AFF3: variants seen among roughly 807,000 people sequenced by gnomAD.
AFF3 encodes ALF transcription elongation factor 3, also known as AF4/FMR2 family member 3.
A neutral mutation model predicts 129.7 loss-of-function variants in AFF3; 32 were observed. That is an observed-to-expected ratio of 0.25 (90% CI 0.19 to 0.33). The LOEUF (loss-of-function observed/expected upper bound fraction) is 0.33, where lower values mean the gene tolerates loss of function less well. AFF3 is among the 10% of genes least tolerant of loss of function. The pLI, the probability that AFF3 is intolerant of heterozygous loss-of-function variation, is 1.00. For missense variants in AFF3, 1,373 were observed against 1,592.0 expected (o/e 0.86, Z 2.34); for synonymous variants, 644 against 635.4 (o/e 1.01, Z -0.20).
At chr2:100,072,036 G>T (rs879416222) in intron 4 of AFF3, among the ~76,000 whole-genome samples, 25 of 152,268 alleles carry the variant, frequency 1.6e-4, no homozygotes, top group Middle Eastern at 3.4e-3. Flanking sequence ...GAGATGTGGT[G>T]GCTGGTAAAA....
intron 2 of AFF3, among the ~76,000 whole-genome samples, chr2:100,115,956 G>C (rs1461708735): frequency 6.6e-6 from 1 of 151,974 alleles, no homozygotes; most frequent in Admixed American, 6.6e-5. Context: ...CTCTATAATT[G>C]AAGGTTTTTA....
chr2:99,837,517 C>G lies in AFF3; in HGVS notation c.881G>C (p.Arg294Thr), dbSNP rs1234322110. 1 of 1,613,612 alleles carries G rather than the reference C, an allele frequency of 6.2e-7. No individual in the cohort carries two copies. Among genetic ancestry groups the G allele is most frequent in the East Asian group, 2.2e-5 (1 of 44,876 alleles). Reference protein sequence around the residue: ...FSIPKQGEESRSGETNSCVEE... With the variant: ...FSIPKQGEESTSGETNSCVEE... The stretch of plus-strand genomic sequence containing the variant: ...AACACAGCTGTTGGTTTCTCCAGAT[C>G]TACTCTCCTGAAAGCAAAGAAAAAA... Residue 294 changes from arginine to threonine, a missense_variant, in exon 8 of 25, where the codon AGA becomes ACA. Around this residue, in one of 9 missense-constraint regions of AFF3, gnomAD observed 413 missense variants for 424.4 expected, o/e 0.97. Transcript: ENST00000672756.
chr2:99,557,606 T>TA (rs1471211368), intron 22 of AFF3, among the ~76,000 whole-genome samples: 1 of 152,216 alleles, frequency 6.6e-6, no homozygotes, highest in Non-Finnish European at 1.5e-5. Flanking sequence ...TAGTAGATCT[T>TA]ACGTTCTGGA....
intron 7 of AFF3, among the ~76,000 whole-genome samples, chr2:99,986,131 G>A (rs996732205): frequency 6.6e-6 from 1 of 151,116 alleles, no homozygotes; most frequent in Non-Finnish European, 1.5e-5. Flanking sequence ...AACCCAGGAG[G>A]CGGAGCTTGC....
At position 99,617,364 on chromosome 2, in the gene AFF3, G is replaced by T. The variant is rs1158698376; in HGVS notation, c.1185-15743C>A. 3.3e-5 allele frequency among the ~76,000 whole-genome samples: 5 copies of T among 152,176 alleles called. 1 individual carries two copies. The highest frequency in any genetic ancestry group is 7.4e-5 in the Non-Finnish European group (5 of 68,022). On this transcript the variant is annotated intron_variant, in intron 13 of 24. Coordinates refer to ENST00000672756, the MANE Select transcript of AFF3 (RefSeq NM_001386135.1). ...CTGCCCATCATAGTGGGCGTGAAGTGGTGTCTCACTGTGGTTTTGATTTGG... is the reference window on the plus strand; with the variant it reads ...CTGCCCATCATAGTGGGCGTGAAGTTGTGTCTCACTGTGGTTTTGATTTGG...
At chr2:99,846,341 G>C (rs1205192623) in intron 7 of AFF3, among the ~76,000 whole-genome samples, 2 of 151,872 alleles carry the variant, frequency 1.3e-5, no homozygotes, top group African/African-American at 4.8e-5. Context: ...TGTTGGCCAG[G>C]TTGGTCTCGA....
In AFF3 at chr2:99,639,543, C is replaced by T. The variant is rs1052917805; in HGVS notation, c.1184+10083G>A. On this transcript the variant is annotated intron_variant, in intron 13 of 24. Coordinates refer to ENST00000672756, the MANE Select transcript of AFF3 (RefSeq NM_001386135.1). ...ACAGTTCTCTGCCAGGGCTCCCCCA[C>T]GTTATTGAACATTACTGTTTGCTTT... 2.6e-5 allele frequency among the ~76,000 whole-genome samples: 4 copies of T among 152,230 alleles called. No individual in the cohort carries two copies. The East Asian group carries it at 7.7e-4, about 29-fold the overall frequency.
chr2:100,043,699 C>T (rs529220208), intron 4 of AFF3, among the ~76,000 whole-genome samples: 8 of 152,142 alleles, frequency 5.3e-5, no homozygotes, highest in African/African-American at 1.9e-4. Context: ...ATCTACCAAA[C>T]CATCAACTGT....
At chr2:100,078,317 CAA>C (rs1688758126) in intron 4 of AFF3, among the ~76,000 whole-genome samples, 1 of 152,150 alleles carries the variant, frequency 6.6e-6, no homozygotes, top group Non-Finnish European at 1.5e-5. Context: ...GAATTTCATC[CAA>C]AATACTAAGG....
intron 1 of AFF3, among the ~76,000 whole-genome samples, chr2:100,130,502 G>A (rs915916110): frequency 1.3e-5 from 2 of 152,236 alleles, no homozygotes; most frequent in Non-Finnish European, 2.9e-5. Context: ...AGAGAAGTGT[G>A]GGCTGGATTT....
intron 20 of AFF3, among the ~76,000 whole-genome samples, chr2:99,564,264 C>T (rs1030841308): frequency 1.3e-5 from 2 of 152,148 alleles, no homozygotes; most frequent in African/African-American, 2.4e-5. Context: ...GGGCATCTTC[C>T]AGCTTTGTCC....
chr2:99,854,849 C>A (rs1268651483), intron 7 of AFF3, among the ~76,000 whole-genome samples: 2 of 152,100 alleles, frequency 1.3e-5, no homozygotes, highest in African/African-American at 4.8e-5. Context: ...ATATAATGAT[C>A]CATTTATTTT....
intron 7 of AFF3, among the ~76,000 whole-genome samples, chr2:99,847,739 T>G (rs1689842772): frequency 6.6e-6 from 1 of 152,002 alleles, no homozygotes; most frequent in South Asian, 2.1e-4. Context: ...CAGCAGTGAC[T>G]GCTGACCACT....
chr2:99,872,776 T>C (rs891597778), intron 7 of AFF3, among the ~76,000 whole-genome samples: 3 of 152,176 alleles, frequency 2.0e-5, no homozygotes, highest in Non-Finnish European at 4.4e-5. Flanking sequence ...ACATCGTTCA[T>C]TATACGACAT....
chr2:100,115,928 A>G (rs1691717320), intron 2 of AFF3, among the ~76,000 whole-genome samples: 1 of 152,018 alleles, frequency 6.6e-6, no homozygotes, highest in Non-Finnish European at 1.5e-5. Flanking sequence ...TTCCTATGAG[A>G]TGTTTGTCAA....
intron 13 of AFF3, among the ~76,000 whole-genome samples, chr2:99,606,647 G>T (rs1680366591): frequency 6.6e-6 from 1 of 152,030 alleles, no homozygotes; most frequent in Non-Finnish European, 1.5e-5. Flanking sequence ...GACGGGCGCG[G>T]TGGCTCACGT....
At chr2:100,046,955 CTCT>C (rs1228706705) in intron 4 of AFF3, among the ~76,000 whole-genome samples, 1 of 151,172 alleles carries the variant, frequency 6.6e-6, no homozygotes, top group Non-Finnish European at 1.5e-5. Flanking sequence ...TCTATGACTC[CTCT>C]TAACAGCCAA....
chr2:99,554,239 G>A lies in AFF3; in HGVS notation c.3559+72C>T, dbSNP rs1674699797. The A allele has an allele frequency of 3.9e-6, 6 of 1,521,226 alleles. No homozygotes were observed. In the Admixed American group the frequency reaches 5.0e-5, roughly 13 times the overall value. The allele number at this position is 1,521,226 out of a possible 1,614,324, so 94.2% of individuals were successfully genotyped here. On this transcript the variant is annotated intron_variant, in intron 24 of 24. Coordinates refer to ENST00000672756, the MANE Select transcript of AFF3 (RefSeq NM_001386135.1). ...CTGTGTGAGTATCCCAGCTACTCAG[G>A]AGGCCGAGGCAGAAGAATCGCTTGA...
At chr2:99,907,975 G>A (rs1694837121) in intron 7 of AFF3, among the ~76,000 whole-genome samples, 1 of 152,142 alleles carries the variant, frequency 6.6e-6, no homozygotes, top group South Asian at 2.1e-4. Context: ...CTATGACCAT[G>A]GGATGCGTAC....
Sources: allele counts gnomAD v4.1 joint callset (sites outside exome capture counted in the v4.1 genomes callset), GRCh38; gene constraint gnomAD v4.1.1; regional missense constraint gnomAD v4.1.1; transcripts MANE v1.5; gene names NCBI Gene and HGNC (gene_info 2026-07-23, HGNC 2026-07-21).